The following AKNA variants were observed in gnomAD, a reference collection of about 807,000 sequenced individuals.
The protein encoded by AKNA is microtubule organization protein AKNA.
AKNA carries 67 observed loss-of-function variants against 138.8 expected under a neutral mutation model. The ratio of observed to expected loss-of-function variants is 0.48; its 90% CI spans 0.40 to 0.59. The LOEUF is 0.59. Among genes scored for constraint, AKNA ranks in the 20% least tolerant of loss-of-function variants. The pLI, the probability that AKNA is intolerant of heterozygous loss-of-function variation, is 0.00. For missense variants in AKNA, 1,813 were observed against 1,880.4 expected, an observed-to-expected ratio of 0.96 and a Z score of 0.66; for synonymous variants, 737 against 754.4, an observed-to-expected ratio of 0.98 and a Z score of 0.38.
chr9:114,370,374 C>T (rs1204864484), intron 4 of AKNA, among the ~76,000 whole-genome samples: 2 of 152,244 alleles, frequency 1.3e-5, no homozygotes, highest in Non-Finnish European at 2.9e-5. Context: ...TCCCCAGACC[C>T]CTCTCTCAGC....
At chr9:114,361,103 C>T (rs951568405) in intron 9 of AKNA, among the ~76,000 whole-genome samples, 1 of 152,170 alleles carries the variant, frequency 6.6e-6, no homozygotes, top group Non-Finnish European at 1.5e-5. Context: ...TTATGTCATC[C>T]CCTGCCAGAA....
chr9:114,349,487 C>T (rs1830953854), intron 15 of AKNA, among the ~76,000 whole-genome samples: 3 of 152,184 alleles, frequency 2.0e-5, no homozygotes, highest in Admixed American at 2.0e-4. Context: ...TCTGTAGGGG[C>T]CCTCCCCGAG....
In AKNA at chr9:114,361,780, C is replaced by A; in HGVS notation, c.2048G>T (p.Cys683Phe). ...SALDSTPALP[C>F]LHQPTHLPAP... ...AGGCAGGTGCGTTGGCTGATGGAGG[C>A]AGGGCAGGGCTGGGGTGCTGTCCAG... Residue 683 changes from cysteine to phenylalanine, a missense_variant, in exon 9 of 22, where the codon TGC (cysteine) becomes TTC (phenylalanine). Physicochemically the swap from Cys to Phe is radical, Grantham distance 205. Transcript: ENST00000374088. 1 of 1,613,846 alleles carries A rather than the reference C, an allele frequency of 6.2e-7. No homozygotes were observed. The highest frequency in any genetic ancestry group is 8.5e-7 in the Non-Finnish European group (1 of 1,180,008).
chr9:114,376,365 C>T (rs1279124799), intron 3 of AKNA, 101 bp downstream of exon 3: 2 of 1,277,064 alleles, frequency 1.6e-6, no homozygotes, highest in East Asian at 2.5e-5. Flanking sequence ...GGCCTCTCCA[C>T]CCCAGCCAGC....
In AKNA at chr9:114,335,771, C is replaced by CAAAAAAAAAAAA. The variant is rs10610956; in HGVS notation, c.*1271_*1282dup. 2.0e-5 allele frequency: 2 copies of CAAAAAAAAAAAA among 101,672 alleles called. No individual in the cohort carries two copies. The highest frequency in any genetic ancestry group is 1.1e-4 in the Admixed American group (1 of 9,494). 6.3% of individuals were successfully genotyped at this position (101,672 alleles called of 1,614,324 possible). ...GGGCAACCAGAGCAAAACTCAGTCT[C>CAAAAAAAAAAAA]AAAAAAAAAAAAAAAAAGAAAAAGA... On this transcript the variant is annotated 3_prime_UTR_variant, in exon 22 of 22. Transcript: ENST00000374088.
rs1475062091 is a variant in AKNA, at chr9:114,356,934, G to A, written c.2775C>T (p.Gly925=). 1 of 1,577,436 alleles carries A rather than the reference G, an allele frequency of 6.3e-7. No individual in the cohort carries two copies. The change falls in exon 13 of 22, where the codon GGC becomes GGT. Residue 925 remains glycine (G), a synonymous_variant. Coordinates refer to ENST00000374088, the MANE Select transcript of AKNA (RefSeq NM_001317950.2). ...TWMASPETDS[G]FVGSETSRVS... The stretch of plus-strand genomic sequence containing the variant: ...CTCTGCTTGTTTCTGAGCCCACAAA[G>A]CCACTGTCTGTCTCTGGGGACGCCA...
chr9:114,390,436 C>T (rs1277437315), upstream of AKNA, among the ~76,000 whole-genome samples: 1 of 152,178 alleles, frequency 6.6e-6, no homozygotes, highest in African/African-American at 2.4e-5. Flanking sequence ...CTTCCTTTTC[C>T]CTTACATCCC....
rs75516597 is a variant in AKNA, at chr9:114,385,939, C to T, written c.-114+1921G>A. ...TACTCACTGTGTATAGCTGGGCTTG[C>T]ATTTTCCTCACTGTAAAATAGAGAA... On this transcript the variant is annotated intron_variant, in intron 1 of 21. Transcript: ENST00000374088. 1.3e-3 allele frequency among the ~76,000 whole-genome samples: 198 copies of T among 152,334 alleles called. 5 individuals carry two copies. The East Asian group carries it at 0.031, about 24-fold the overall frequency.
chr9:114,390,106 A>G (rs1834278419), upstream of AKNA, among the ~76,000 whole-genome samples: 2 of 152,142 alleles, frequency 1.3e-5, no homozygotes, highest in East Asian at 1.9e-4. Context: ...GGTGGCTGCC[A>G]TTGCTGGGCA....
chr9:114,347,440 G>A (rs182862769), intron 16 of AKNA, among the ~76,000 whole-genome samples: 43 of 152,222 alleles, frequency 2.8e-4, no homozygotes, highest in South Asian at 8.3e-4. Context: ...GGCTGGTTTC[G>A]AACTCCTGAA....
At chr9:114,396,996 C>T (rs1221271707), upstream of AKNA, among the ~76,000 whole-genome samples, 5 of 152,204 alleles carry the variant, frequency 3.3e-5, no homozygotes, top group Non-Finnish European at 7.3e-5. Context: ...GGGACCATTC[C>T]CAGTCTCTCT....
chr9:114,380,616 A>ATTAAATCTGTAATT (rs1245715528), intron 2 of AKNA, among the ~76,000 whole-genome samples: 2 of 152,182 alleles, frequency 1.3e-5, no homozygotes, highest in East Asian at 3.8e-4. Context: ...TAAATCTTTA[A>ATTAAATCTGTAATT]AAATTTTTAA....
chr9:114,381,965 A>G (rs984322460), intron 1 of AKNA, among the ~76,000 whole-genome samples: 1 of 152,168 alleles, frequency 6.6e-6, no homozygotes, highest in African/African-American at 2.4e-5. Context: ...AGGGTTTTAT[A>G]AACTAGATGA....
At chr9:114,369,777 CACCATCATTCACCATCATT>C (rs1832633796) in intron 4 of AKNA, among the ~76,000 whole-genome samples, 1 of 152,092 alleles carries the variant, frequency 6.6e-6, no homozygotes, top group Non-Finnish European at 1.5e-5. Flanking sequence ...CTATTACCAT[CACCATCATTCACCATCATT>C]ACCATCACCA....
intron 14 of AKNA, among the ~76,000 whole-genome samples, chr9:114,355,670 A>G (rs1328017871): frequency 3.9e-5 from 6 of 152,240 alleles, no homozygotes; most frequent in Non-Finnish European, 7.3e-5. Context: ...TATGCAGTGC[A>G]TGACAGTATG....
intron 6 of AKNA, among the ~76,000 whole-genome samples, chr9:114,367,145 A>G (rs909598319): frequency 2.6e-5 from 4 of 152,182 alleles, no homozygotes; most frequent in Non-Finnish European, 5.9e-5. Flanking sequence ...CTAGGAATTG[A>G]TTTATTTAAT....
chr9:114,359,722 CTCCTCCTCCTCCTCTCCTTCT>C lies in AKNA; in HGVS notation c.2343_2363del (p.Gly783_Glu789del), dbSNP rs761976799. 4 of 1,592,908 alleles carry C rather than the reference CTCCTCCTCCTCCTCTCCTTCT, an allele frequency of 2.5e-6. No individual in the cohort carries two copies. Among genetic ancestry groups the C allele is most frequent in the Non-Finnish European group, 3.4e-6 (4 of 1,168,688 alleles). On this transcript the variant is annotated inframe_deletion, in exon 11 of 22. Coordinates refer to ENST00000374088, the MANE Select transcript of AKNA (RefSeq NM_001317950.2). ...CCAGGGAGTCACCTCCCCCCTCTTC[CTCCTCCTCCTCCTCTCCTTCT>C]TCCTCCTCCTCCATTCTCATGGCTT...
chr9:114,387,248 G>C (rs988957021), intron 1 of AKNA, among the ~76,000 whole-genome samples: 1 of 152,100 alleles, frequency 6.6e-6, no homozygotes, highest in Non-Finnish European at 1.5e-5. Context: ...GTGGACTCTA[G>C]TCCCACAAGG....
At chr9:114,387,440 C>T (rs922340448) in intron 1 of AKNA, among the ~76,000 whole-genome samples, 37 of 152,308 alleles carry the variant, frequency 2.4e-4, no homozygotes, top group African/African-American at 7.5e-4. Context: ...TCTTACGCAG[C>T]TGGCATAAGG....
Sources: allele counts gnomAD v4.1 joint callset (sites outside exome capture counted in the v4.1 genomes callset), GRCh38; gene constraint gnomAD v4.1.1; transcripts MANE v1.5; gene names NCBI Gene and HGNC (gene_info 2026-07-23, HGNC 2026-07-21).